MDGA2: variants seen among roughly 807,000 people sequenced by gnomAD.
The protein encoded by MDGA2 is MAM domain-containing glycosylphosphatidylinositol anchor protein 2.
MDGA2 carries 40 observed loss-of-function variants against 117.8 expected under a neutral mutation model. The ratio of observed to expected loss-of-function variants is 0.34; its 90% CI spans 0.26 to 0.44. The LOEUF (loss-of-function observed/expected upper bound fraction) is 0.44. MDGA2 is among the 20% of genes least tolerant of loss of function. The pLI is 1.00. For missense variants in MDGA2, 1,123 were observed against 1,250.6 expected (o/e 0.90, Z 1.54); for synonymous variants, 452 against 439.0 (o/e 1.03, Z -0.37).
intron 6 of MDGA2, among the ~76,000 whole-genome samples, chr14:47,068,269 G>T (rs1297785131): frequency 6.6e-6 from 1 of 151,854 alleles, no homozygotes; most frequent in Non-Finnish European, 1.5e-5. Context: ...GAGAAAGAAA[G>T]GACGTTTTAG....
chr14:47,004,016 AG>A (rs1887625313), intron 8 of MDGA2, among the ~76,000 whole-genome samples: 1 of 152,012 alleles, frequency 6.6e-6, no homozygotes, highest in Non-Finnish European at 1.5e-5. Context: ...TGAAAATACA[AG>A]CTACAGACTG....
chr14:47,022,498 A>G (rs1888322154), intron 8 of MDGA2, among the ~76,000 whole-genome samples: 1 of 152,226 alleles, frequency 6.6e-6, no homozygotes, highest in Non-Finnish European at 1.5e-5. Flanking sequence ...GTCATGAAGG[A>G]AAGAGTTTAT....
At chr14:47,192,926 T>G (rs1885165994) in intron 3 of MDGA2, among the ~76,000 whole-genome samples, 1 of 152,174 alleles carries the variant, frequency 6.6e-6, no homozygotes. Flanking sequence ...TCACCAGTGG[T>G]GCAGTCTTGT....
At chr14:47,176,987 C>T (rs866164163) in intron 3 of MDGA2, among the ~76,000 whole-genome samples, 61 of 152,062 alleles carry the variant, frequency 4.0e-4, no homozygotes, top group African/African-American at 1.1e-3. Flanking sequence ...AAAAAGTGGG[C>T]GAAGGACATG....
intron 1 of MDGA2, among the ~76,000 whole-genome samples, chr14:47,569,663 C>A (rs1453413614): frequency 6.6e-6 from 1 of 152,178 alleles, no homozygotes; most frequent in Non-Finnish European, 1.5e-5. Flanking sequence ...ATAAGAAATT[C>A]TCTTCTTATT....
chr14:47,302,299 T>C (rs1450597186), intron 1 of MDGA2, among the ~76,000 whole-genome samples: 2 of 152,184 alleles, frequency 1.3e-5, no homozygotes. Flanking sequence ...CATGGAAACT[T>C]TCTGTGAGTC....
At chr14:46,875,719 C>G (rs1169428145) in intron 12 of MDGA2, among the ~76,000 whole-genome samples, 1 of 151,500 alleles carries the variant, frequency 6.6e-6, no homozygotes. Flanking sequence ...AGTTGCTACT[C>G]TGGCGGTTTG....
At chr14:47,200,815 C>A in intron 3 of MDGA2, 2 of 798,548 alleles carry the variant, frequency 2.5e-6, no homozygotes, top group South Asian at 1.4e-5. Flanking sequence ...GCACGACCTT[C>A]AGGGCAGCAG....
At chr14:46,879,659 A>G (rs1451521416) in intron 11 of MDGA2, among the ~76,000 whole-genome samples, 1 of 152,152 alleles carries the variant, frequency 6.6e-6, no homozygotes, top group African/African-American at 2.4e-5. Context: ...ATAATGATCA[A>G]TTAACTTTAG....
chr14:47,231,284 G>T (rs1275568478), intron 2 of MDGA2, among the ~76,000 whole-genome samples: 1 of 151,948 alleles, frequency 6.6e-6, no homozygotes, highest in Non-Finnish European at 1.5e-5. Context: ...ACCCTCCTAA[G>T]AGTCACATTA....
intron 6 of MDGA2, among the ~76,000 whole-genome samples, chr14:47,089,428 T>G (rs954345167): frequency 6.6e-6 from 1 of 152,030 alleles, no homozygotes; most frequent in African/African-American, 2.4e-5. Flanking sequence ...CAGGCTGGAG[T>G]GCAGTAGGGT....
intron 3 of MDGA2, among the ~76,000 whole-genome samples, chr14:47,163,916 C>T (rs991902096): frequency 3.9e-5 from 6 of 152,290 alleles, no homozygotes; most frequent in Non-Finnish European, 7.3e-5. Flanking sequence ...ATTCAGCACA[C>T]CCTGGCTGCA....
intron 8 of MDGA2, among the ~76,000 whole-genome samples, chr14:46,967,083 A>G (rs774120998): frequency 7.0e-4 from 106 of 152,182 alleles, no homozygotes; most frequent in Admixed American, 9.2e-4. Flanking sequence ...TAAATAATAG[A>G]ACCTTCAAAT....
In MDGA2 at chr14:47,267,249, T is replaced by C. The variant is rs555928111; in HGVS notation, c.420+34162A>G. On this transcript the variant is annotated intron_variant, in intron 2 of 16. Coordinates refer to ENST00000399232, the MANE Select transcript of MDGA2 (RefSeq NM_001113498.3). ...TTGGTAAATACACAGTTTTTAATCA[T>C]AATTATATGAATGTGGAAATATTCT... Among the ~76,000 whole-genome samples the C allele has an allele frequency of 1.4e-3, 219 of 151,904 alleles. 1 individual carries two copies. The highest frequency in any genetic ancestry group is 5.2e-3 in the African/African-American group (214 of 41,516).
At chr14:46,960,324 T>C (rs1050294027) in intron 8 of MDGA2, 4 of 152,228 alleles carry the variant, frequency 2.6e-5, no homozygotes, top group Admixed American at 1.3e-4. Context: ...ATTCCTTCTT[T>C]CATTGTAGAC....
chr14:47,483,495 T>A (rs576151039), intron 1 of MDGA2, among the ~76,000 whole-genome samples: 11 of 152,310 alleles, frequency 7.2e-5, no homozygotes, highest in Admixed American at 7.2e-4. Flanking sequence ...GAGGCTTCAA[T>A]TTTAAGACTC....
chr14:47,533,611 G>A (rs1301501141), intron 1 of MDGA2, among the ~76,000 whole-genome samples: 1 of 152,180 alleles, frequency 6.6e-6, no homozygotes, highest in Non-Finnish European at 1.5e-5. Flanking sequence ...AATATAATTT[G>A]AAATCAGCAT....
At chr14:47,527,462 G>A (rs569374921) in intron 1 of MDGA2, among the ~76,000 whole-genome samples, 1 of 152,228 alleles carries the variant, frequency 6.6e-6, no homozygotes, top group Non-Finnish European at 1.5e-5. Context: ...TTATTATAGA[G>A]GTTGTGTTAA....
chr14:47,642,609 TAGA>T (rs1223857523), intron 1 of MDGA2, among the ~76,000 whole-genome samples: 4 of 152,042 alleles, frequency 2.6e-5, no homozygotes, highest in Admixed American at 2.6e-4. Flanking sequence ...CCATATTATA[TAGA>T]AGTACTAGAG....
Sources: gnomAD v4.1 joint callset for allele counts (sites outside exome capture counted in the v4.1 genomes callset) on GRCh38, gnomAD v4.1.1 for gene constraint, MANE v1.5 for transcripts, NCBI Gene and HGNC (gene_info 2026-07-23, HGNC 2026-07-21) for gene names.